FRMPD2: variants seen among roughly 807,000 people sequenced by gnomAD.
FRMPD2 encodes FERM and PDZ domain-containing protein 2.
Under a neutral mutation model 140.1 loss-of-function variants are expected in FRMPD2, and 96 were observed. The observed-to-expected ratio is 0.69, with a 90% confidence interval of 0.58 to 0.81. The LOEUF is 0.81. Among genes scored for constraint, FRMPD2 ranks in the 40% least tolerant of loss-of-function variants. The pLI is 0.00. For missense variants in FRMPD2, 1,240 were observed against 1,447.4 expected (o/e 0.86, Z 2.32); for synonymous variants, 449 against 547.6 (o/e 0.82, Z 2.52).
chr10:48,185,638 C>A lies in FRMPD2; in HGVS notation c.2274G>T (p.Lys758Asn), dbSNP rs765202972. 6.2e-7 allele frequency: 1 copy of A among 1,613,358 alleles called. No homozygotes were observed. Among genetic ancestry groups the A allele is most frequent in the Admixed American group, 1.7e-5 (1 of 60,012 alleles). Residue 758 changes from lysine to asparagine, a missense_variant, in exon 18 of 29, where the codon AAG becomes AAT. Transcript: ENST00000374201. ...CTATAAAGCTCTTCCTCCTATTATT[C>A]TTTGAGCCTAGAGGTAGAATCAGAG... ...PPVQSMHAGS[K>N]NNRRKSFIAE...
chr10:48,212,155 C>T (rs371880871), intron 12 of FRMPD2, 46 bp from the exon 13 acceptor site: 430 of 1,588,396 alleles, frequency 2.7e-4, no homozygotes, highest in Middle Eastern at 5.0e-4. Flanking sequence ...AGACACTGGC[C>T]GGGGGACTCT....
At chr10:48,177,918 T>G (rs1385819134) in intron 22 of FRMPD2, 129 bp downstream of exon 22, 6 of 603,836 alleles carry the variant, frequency 9.9e-6, no homozygotes, top group Non-Finnish European at 1.8e-5. Flanking sequence ...CCCACTGGCT[T>G]TTTTATTTAC....
At chr10:48,222,048 A>G (rs1383362102) in intron 12 of FRMPD2, among the ~76,000 whole-genome samples, 5 of 145,126 alleles carry the variant, frequency 3.4e-5, no homozygotes, top group Non-Finnish European at 7.6e-5. Flanking sequence ...ATGAATAGGT[A>G]GGTGGGTGGA....
chr10:48,240,381 C>A lies in FRMPD2; in HGVS notation c.679G>T (p.Glu227Ter). The change falls in exon 6 of 29, where the codon GAG (glutamate) becomes TAG (stop). Residue 227 changes from glutamate to a stop codon, truncating the protein, a stop_gained. Transcript: ENST00000374201. LOFTEE classifies it high-confidence loss of function. ...SSESPAAQAP[E>*]CLHPCRVSER... ...CCACCTCTGCAAGGATGCAGACACTCCGGGGCCTGTGCCGCTGGGCTCTCG... is the reference window on the plus strand; with the variant it reads ...CCACCTCTGCAAGGATGCAGACACTACGGGGCCTGTGCCGCTGGGCTCTCG... 6.2e-7 allele frequency: 1 copy of A among 1,612,794 alleles called. No individual in the cohort carries two copies. Among genetic ancestry groups the A allele is most frequent in the Non-Finnish European group, 8.5e-7 (1 of 1,180,040 alleles).
In FRMPD2 at chr10:48,222,601, G is replaced by A. The variant is rs1416751272; in HGVS notation, c.1317-150C>T. 1.0e-5 allele frequency: 8 copies of A among 799,606 alleles called. No homozygotes were observed. In the East Asian group the frequency reaches 1.8e-4, roughly 18 times the overall value. 49.5% of individuals were successfully genotyped at this position (799,606 alleles called of 1,614,324 possible). A position where few individuals can be genotyped will look rare whatever the true frequency, so the allele number is the denominator to read the frequency against. On this transcript the variant is annotated intron_variant, in intron 11 of 28. Coordinates refer to ENST00000374201, the MANE Select transcript of FRMPD2 (RefSeq NM_001018071.4). ...TTCAGAGGCAATGCCAGCAAGACAA[G>A]TGTGGTCTCCTGCATTTATACCATG...
At chr10:48,167,685 T>C (rs1588800001) in intron 27 of FRMPD2, among the ~76,000 whole-genome samples, 1 of 149,954 alleles carries the variant, frequency 6.7e-6, no homozygotes, top group Non-Finnish European at 1.5e-5. Context: ...TGGCAATGGG[T>C]AATTGTATCT....
chr10:48,249,258 C>T, intron 2 of FRMPD2, 80 bp from the exon 3 acceptor site: 1 of 1,366,344 alleles, frequency 7.3e-7, no homozygotes, highest in African/African-American at 1.5e-5. Context: ...CCAGCAGGTG[C>T]CTGGCAGTAC....
chr10:48,187,382 G>A lies in FRMPD2; in HGVS notation c.2166-90C>T, dbSNP rs1588815136. Reference sequence around the variant, plus strand: ...AGGTGGCTCAGGGAGGCAACTTCTTGGCATTTCTGAGTATGGATGATGGCC... The same window carrying A: ...AGGTGGCTCAGGGAGGCAACTTCTTAGCATTTCTGAGTATGGATGATGGCC... On this transcript the variant is annotated intron_variant, in intron 16 of 28. Transcript: ENST00000374201. 25 of 1,077,444 alleles carry A rather than the reference G, an allele frequency of 2.3e-5. No individual in the cohort carries two copies. In the South Asian group the frequency reaches 3.3e-4, roughly 14 times the overall value. 66.7% of individuals were successfully genotyped at this position (1,077,444 alleles called of 1,614,324 possible).
chr10:48,180,189 C>T (rs1165806554), intron 21 of FRMPD2, among the ~76,000 whole-genome samples: 1 of 152,194 alleles, frequency 6.6e-6, no homozygotes, highest in Non-Finnish European at 1.5e-5. Context: ...CCAAGCAGAA[C>T]ACAGCAAGGT....
At chr10:48,263,683 C>T (rs1054137716) in intron 1 of FRMPD2, among the ~76,000 whole-genome samples, 1 of 151,972 alleles carries the variant, frequency 6.6e-6, no homozygotes, top group Non-Finnish European at 1.5e-5. Flanking sequence ...AAGCACCAGG[C>T]CCAAAGGATT....
chr10:48,176,979 A>G (rs1236165677), intron 22 of FRMPD2, among the ~76,000 whole-genome samples: 1 of 152,150 alleles, frequency 6.6e-6, no homozygotes, highest in African/African-American at 2.4e-5. Context: ...TTCCTCTGAA[A>G]ATTTTCATCA....
At position 48,184,852 on chromosome 10, in the gene FRMPD2, C is replaced by T. The variant is rs372876341; in HGVS notation, c.2389G>A (p.Gly797Ser). ...GFVINEGEYS[G>S]QADPGIFISS... ...ATAAAAATGCCAGGGTCAGCTTGGC[C>T]TGAATACTCTCCCTCATTAATGACA... The change falls in exon 19 of 29, where the codon GGC becomes AGC. Residue 797 changes from glycine to serine, a missense_variant. By Grantham distance (56) the Gly-to-Ser change is moderately conservative. Transcript: ENST00000374201. The T allele has an allele frequency of 6.2e-7, 1 of 1,613,050 alleles. No individual in the cohort carries two copies. Among genetic ancestry groups the T allele is most frequent in the East Asian group, 2.2e-5 (1 of 44,830 alleles).
rs766021535 is a variant in FRMPD2 at position 48,274,544 on chromosome 10, T to C, written c.24A>G (p.Ala8=). ...AAACTGAATGATGCCAAGGAATACC[T>C]GCGTCCTTCGTTAAAGGCTGCATCC... The part of the protein sequence containing the change: MQPLTKD[A]GMSLSSVTLA... The change falls in exon 1 of 29, where the codon GCA becomes GCG. Residue 8 remains alanine, a splice_region_variant and synonymous_variant. Transcript: ENST00000374201. The C allele has an allele frequency of 9.3e-6, 15 of 1,614,100 alleles. No homozygotes were observed. The highest frequency in any genetic ancestry group is 2.2e-5 in the South Asian group (2 of 91,084).
chr10:48,241,926 G>T (rs997077864), intron 5 of FRMPD2: 2 of 302,916 alleles, frequency 6.6e-6, no homozygotes, highest in Non-Finnish European at 1.2e-5. Context: ...CTTGCCTAAA[G>T]GTCTTTGTTA....
chr10:48,242,464 C>A, intron 4 of FRMPD2, 112 bp from the exon 5 acceptor site: 1 of 887,552 alleles, frequency 1.1e-6, no homozygotes, highest in South Asian at 1.7e-5. Context: ...CCCACAAGCA[C>A]CAGAGCAGAT....
At chr10:48,186,087 G>A (rs1295488497) in intron 17 of FRMPD2, among the ~76,000 whole-genome samples, 1 of 152,218 alleles carries the variant, frequency 6.6e-6, no homozygotes, top group African/African-American at 2.4e-5. Context: ...ATAACCAGGG[G>A]TGACAAGGTG....
intron 1 of FRMPD2, among the ~76,000 whole-genome samples, chr10:48,269,414 T>A (rs1405960577): frequency 2.0e-5 from 3 of 152,186 alleles, no homozygotes; most frequent in Non-Finnish European, 4.4e-5. Context: ...TGCATGTGGA[T>A]GTTGCTGGTG....
At chr10:48,205,262 T>A (rs1839177877) in intron 14 of FRMPD2, among the ~76,000 whole-genome samples, 1 of 152,220 alleles carries the variant, frequency 6.6e-6, no homozygotes, top group Non-Finnish European at 1.5e-5. Context: ...GATTAAGTAT[T>A]TTTTGAGCTA....
At chr10:48,201,489 A>C in intron 14 of FRMPD2, 105 bp from the exon 15 acceptor site, 1 of 987,452 alleles carries the variant, frequency 1.0e-6, no homozygotes, top group Non-Finnish European at 1.5e-6. Flanking sequence ...ACCCTGTAGC[A>C]GGCATCCACG....
Sources: allele counts gnomAD v4.1 joint callset (sites outside exome capture counted in the v4.1 genomes callset), GRCh38; gene constraint gnomAD v4.1.1; transcripts MANE v1.5; gene names NCBI Gene and HGNC (gene_info 2026-07-23, HGNC 2026-07-21).